The following BANK1 variants were observed in gnomAD, a reference collection of about 807,000 sequenced individuals.
The protein encoded by BANK1 is B cell scaffold protein with ankyrin repeats 1.
Under a neutral mutation model 94.5 loss-of-function variants are expected in BANK1, and 95 were observed. The observed-to-expected ratio is 1.00, with a 90% CI of 0.85 to 1.19. The LOEUF (loss-of-function observed/expected upper bound fraction) is 1.19, where lower values mean the gene tolerates loss of function less well. Among genes scored for constraint, BANK1 ranks in the 50% most tolerant of loss-of-function variants. The pLI, the probability that BANK1 is intolerant of heterozygous loss-of-function variation, is 0.00. For missense variants in BANK1, 987 were observed against 932.2 expected (o/e 1.06, Z -0.77); for synonymous variants, 334 against 308.4 (o/e 1.08, Z -0.87).
intron 16 of BANK1, 111 bp downstream of exon 16, chr4:102,073,859 T>C (rs1221139809): frequency 1.3e-6 from 1 of 779,102 alleles, no homozygotes; most frequent in African/African-American, 1.8e-5. Context: ...CATTGTCTTC[T>C]CCTGAAAGGA....
At chr4:101,916,612 A>G (rs1475026231) in intron 6 of BANK1, among the ~76,000 whole-genome samples, 1 of 152,048 alleles carries the variant, frequency 6.6e-6, no homozygotes, top group Non-Finnish European at 1.5e-5. Flanking sequence ...CTGCACAAAC[A>G]AATGTATGAC....
At chr4:101,940,871 C>T (rs1361666989) in intron 7 of BANK1, among the ~76,000 whole-genome samples, 1 of 151,598 alleles carries the variant, frequency 6.6e-6, no homozygotes, top group Non-Finnish European at 1.5e-5. Context: ...AAAGATATTC[C>T]CCCTCCTCTA....
chr4:101,880,590 A>G (rs149094458), intron 5 of BANK1, among the ~76,000 whole-genome samples: 289 of 152,250 alleles, frequency 1.9e-3, no homozygotes, highest in Non-Finnish European at 3.2e-3. Context: ...TAAAGTTTAT[A>G]TGAAACCACG....
At chr4:101,931,782 T>C (rs918363) in intron 7 of BANK1, among the ~76,000 whole-genome samples, 123,916 of 151,188 alleles carry the variant, frequency 0.82, 51,236 homozygotes, top group Non-Finnish European at 0.88. Context: ...TTACAGTTTG[T>C]TGTTGGAGCT....
At chr4:101,807,238 T>C (rs1205706946) in intron 1 of BANK1, among the ~76,000 whole-genome samples, 1 of 152,224 alleles carries the variant, frequency 6.6e-6, no homozygotes, top group Admixed American at 6.5e-5. Flanking sequence ...AGACTGACTT[T>C]CTTTTTTAGC....
intron 4 of BANK1, among the ~76,000 whole-genome samples, chr4:101,868,329 T>C (rs1210283335): frequency 6.6e-6 from 1 of 152,020 alleles, no homozygotes; most frequent in Non-Finnish European, 1.5e-5. Context: ...GTTGTACTAA[T>C]TTCAGAGAAA....
intron 7 of BANK1, among the ~76,000 whole-genome samples, chr4:101,986,889 GTGTGTGTGTGTATA>G (rs1426681527): frequency 2.1e-5 from 2 of 95,558 alleles, no homozygotes; most frequent in South Asian, 3.8e-4. Context: ...GTGTGTGTGT[GTGTGTGTGTGTATA>G]TATATATATA....
intron 1 of BANK1, among the ~76,000 whole-genome samples, chr4:101,793,359 C>A (rs1178327227): frequency 1.3e-5 from 2 of 152,196 alleles, no homozygotes; most frequent in African/African-American, 4.8e-5. Flanking sequence ...GCTGGAAAAA[C>A]TTGCTTTCTT....
intron 6 of BANK1, among the ~76,000 whole-genome samples, chr4:101,897,680 C>G (rs1722134096): frequency 6.6e-6 from 1 of 151,984 alleles, no homozygotes; most frequent in African/African-American, 2.4e-5. Flanking sequence ...ACCTGTGTAG[C>G]TTTTAAAACA....
intron 6 of BANK1, among the ~76,000 whole-genome samples, chr4:101,907,196 C>A (rs1229130327): frequency 6.6e-6 from 1 of 152,172 alleles, no homozygotes; most frequent in Non-Finnish European, 1.5e-5. Context: ...TATCAAAAAG[C>A]TTATCCACCA....
At chr4:101,952,925 T>C (rs1724219949) in intron 7 of BANK1, among the ~76,000 whole-genome samples, 1 of 152,142 alleles carries the variant, frequency 6.6e-6, no homozygotes, top group South Asian at 2.1e-4. Context: ...TTACCAGCTT[T>C]TTTTCTGTCG....
At chr4:101,837,589 A>C (rs768938014) in intron 2 of BANK1, among the ~76,000 whole-genome samples, 10 of 152,204 alleles carry the variant, frequency 6.6e-5, no homozygotes, top group Non-Finnish European at 1.3e-4. Flanking sequence ...TGTATGGTAC[A>C]TATTCAATTT....
At chr4:102,071,914 C>T (rs1027320748) in intron 14 of BANK1, among the ~76,000 whole-genome samples, 36 of 152,208 alleles carry the variant, frequency 2.4e-4, no homozygotes, top group African/African-American at 8.7e-4. Flanking sequence ...AGCCCTGTGG[C>T]TGGGATGAGA....
intron 7 of BANK1, among the ~76,000 whole-genome samples, chr4:101,970,444 C>G (rs556120230): frequency 6.6e-6 from 1 of 152,200 alleles, no homozygotes; most frequent in South Asian, 2.1e-4. Context: ...AATGAGAAAT[C>G]CCCAATTTCT....
At chr4:101,982,281 A>C (rs542772039) in intron 7 of BANK1, among the ~76,000 whole-genome samples, 2 of 151,594 alleles carry the variant, frequency 1.3e-5, no homozygotes, top group Non-Finnish European at 2.9e-5. Context: ...ACATATTTTA[A>C]TAATAATATT....
intron 11 of BANK1, 57 bp downstream of exon 11, chr4:102,043,964 T>G: frequency 9.3e-7 from 1 of 1,072,210 alleles, no homozygotes; most frequent in South Asian, 1.4e-5. Flanking sequence ...TCAAGAAATC[T>G]TATGAATACA....
intron 7 of BANK1, among the ~76,000 whole-genome samples, chr4:101,948,306 G>C (rs1392065808): frequency 2.0e-5 from 3 of 152,038 alleles, no homozygotes; most frequent in Non-Finnish European, 2.9e-5. Flanking sequence ...GTCATGCTCA[G>C]ATGTTATTTC....
At chr4:101,834,451 A>G (rs544291619) in intron 2 of BANK1, among the ~76,000 whole-genome samples, 2 of 152,328 alleles carry the variant, frequency 1.3e-5, no homozygotes, top group African/African-American at 2.4e-5. Context: ...TTCCAAGTCT[A>G]CAAATGGTAG....
intron 5 of BANK1, among the ~76,000 whole-genome samples, chr4:101,883,968 G>C (rs899177871): frequency 2.0e-5 from 3 of 152,134 alleles, no homozygotes; most frequent in African/African-American, 7.2e-5. Context: ...ATGCAATCTT[G>C]TGGGCCTCTG....
Sources: allele counts gnomAD v4.1 joint callset (sites outside exome capture counted in the v4.1 genomes callset), GRCh38; gene constraint gnomAD v4.1.1; transcripts MANE v1.5; gene names NCBI Gene and HGNC (gene_info 2026-07-23, HGNC 2026-07-21).